Variants in KCNT1 observed in about 807,000 individuals in gnomAD.
The protein encoded by KCNT1 is potassium sodium-activated channel subfamily T member 1.
In KCNT1, 78 loss-of-function variants were observed where a neutral mutation model predicts 147.8. That is an observed-to-expected ratio of 0.53 (90% CI 0.44 to 0.64). The LOEUF is 0.64. Among genes scored for constraint, KCNT1 ranks in the 30% least tolerant of loss-of-function variants. KCNT1 has a pLI of 0.00. For missense variants in KCNT1, 1,419 were observed against 1,750.3 expected (o/e 0.81, Z 3.38); for synonymous variants, 867 against 748.8 (o/e 1.16, Z -2.58).
In KCNT1 at chr9:135,784,826, C is replaced by G; in HGVS notation, c.3093C>G (p.Ser1031=). 2 of 1,612,842 alleles carry G rather than the reference C, an allele frequency of 1.2e-6. No individual in the cohort carries two copies. The highest frequency in any genetic ancestry group is 1.7e-6 in the Non-Finnish European group (2 of 1,179,984). ...GCCGCCTCTTCCAGAAGCTCTGCTC[C>G]TCCAGCGCCGAGATCCCCATTGGCA... ...TYGRLFQKLC[S]SSAEIPIGIY... Residue 1031 remains serine, a synonymous_variant, in exon 27 of 31, where the codon TCC becomes TCG. Transcript: ENST00000371757.
At position 135,714,410 on chromosome 9, in the gene KCNT1, C is replaced by T. The variant is rs1835630902; in HGVS notation, c.111-167C>T. The T allele has an allele frequency of 5.1e-6, 1 of 194,742 alleles. No individual in the cohort carries two copies. Among genetic ancestry groups the T allele is most frequent in the Non-Finnish European group, 9.2e-6 (1 of 109,184 alleles). The allele number at this position is 194,742 out of a possible 1,614,324, so 12.1% of individuals were successfully genotyped here. A position where few individuals can be genotyped will look rare whatever the true frequency, so the allele number is the denominator to read the frequency against. On this transcript the variant is annotated intron_variant, in intron 1 of 30. Coordinates refer to ENST00000371757, the MANE Select transcript of KCNT1 (RefSeq NM_020822.3). The surrounding 1 kb of genome is among the most constrained non-coding windows in gnomAD (Gnocchi z 6.2). Reference sequence around the variant, plus strand: ...CCCGGCGCAGCCGGTCCCGCGCGCCCCCGCCCGCATGTGCCGCCAGGCCCG... The same window carrying T: ...CCCGGCGCAGCCGGTCCCGCGCGCCTCCGCCCGCATGTGCCGCCAGGCCCG...
intron 2 of KCNT1, among the ~76,000 whole-genome samples, chr9:135,743,607 C>T (rs1467819911): frequency 6.6e-6 from 1 of 152,216 alleles, no homozygotes; most frequent in East Asian, 1.9e-4. Flanking sequence ...GAGATAGAAG[C>T]CGTGCCCACC....
intron 2 of KCNT1, among the ~76,000 whole-genome samples, chr9:135,737,555 T>C (rs970943508): frequency 1.3e-5 from 2 of 151,858 alleles, no homozygotes; most frequent in East Asian, 1.9e-4. Flanking sequence ...GAGAGAGAGG[T>C]GCAGGCCAGG....
At position 135,785,295 on chromosome 9, in the gene KCNT1, C is replaced by G. The variant is rs754862662; in HGVS notation, c.3157-15C>G. 23 of 1,612,692 alleles carry G rather than the reference C, an allele frequency of 1.4e-5. No individual in the cohort carries two copies. In the East Asian group the frequency reaches 5.1e-4, roughly 36 times the overall value. ...TGCGCCCACAGGTCCCAGACTGCGC[C>G]TGTTTCCTTTGCAGCCCCACGACCT... is the stretch of plus-strand genomic sequence containing the variant. On this transcript the variant is annotated splice_polypyrimidine_tract_variant and intron_variant, in intron 27 of 30. Coordinates refer to ENST00000371757, the MANE Select transcript of KCNT1 (RefSeq NM_020822.3).
chr9:135,713,895 G>A (rs1334563669), intron 1 of KCNT1, among the ~76,000 whole-genome samples: 1 of 152,298 alleles, frequency 6.6e-6, no homozygotes, highest in Middle Eastern at 3.4e-3. Context: ...CCTAACCTGC[G>A]CTGCCAGCTC....
At chr9:135,758,544 G>T (rs140790441) in intron 10 of KCNT1, 36 bp downstream of exon 10, 42 of 1,554,958 alleles carry the variant, frequency 2.7e-5, no homozygotes, top group Non-Finnish European at 3.6e-5. Context: ...ACCCCAGGAC[G>T]TTGGGAGGGC....
chr9:135,792,270 C>T lies in KCNT1; in HGVS notation c.*109C>T. 7.4e-7 allele frequency: 1 copy of T among 1,350,596 alleles called. No homozygotes were observed. Among genetic ancestry groups the T allele is most frequent in the Non-Finnish European group, 9.9e-7 (1 of 1,008,322 alleles). 83.7% of individuals were successfully genotyped at this position (1,350,596 alleles called of 1,614,324 possible). ...AGCGTGACCCTGGGGATGGCACACT[C>T]TACTCACCATGGCTCCTGGGACTCC... is the stretch of plus-strand genomic sequence containing the variant. On this transcript the variant is annotated 3_prime_UTR_variant, in exon 31 of 31. Transcript: ENST00000371757.
At chr9:135,776,487 G>A (rs911146584) in intron 20 of KCNT1, among the ~76,000 whole-genome samples, 6 of 151,846 alleles carry the variant, frequency 4.0e-5, no homozygotes, top group African/African-American at 1.2e-4. Context: ...GGCTAGTCTC[G>A]AACTCCTGGA....
At chr9:135,719,353 C>T (rs1462408475) in intron 2 of KCNT1, among the ~76,000 whole-genome samples, 1 of 152,200 alleles carries the variant, frequency 6.6e-6, no homozygotes, top group African/African-American at 2.4e-5. Context: ...GTCCCAGGCA[C>T]CTTGTGCAGA....
At position 135,718,081 on chromosome 9, in the gene KCNT1, G is replaced by A. The variant is rs117327065; in HGVS notation, c.254+3361G>A. ...GCTGACCTGGAGGAGGGGATCAGCCGCTTGGAGGACCCTCCTGGGTGCTTG... is the reference window on the plus strand; with the variant it reads ...GCTGACCTGGAGGAGGGGATCAGCCACTTGGAGGACCCTCCTGGGTGCTTG... On this transcript the variant is annotated intron_variant, in intron 2 of 30. Transcript: ENST00000371757. Among the ~76,000 whole-genome samples, 46 of 152,338 alleles carry A rather than the reference G, an allele frequency of 3.0e-4. No individual in the cohort carries two copies. In the East Asian group the frequency reaches 7.3e-3, roughly 24 times the overall value.
Position 135,775,368 on chromosome 9 carries a change from C to T in KCNT1, c.2302C>T (p.His768Tyr). ...CATCGGCAGCTCCCCAACCCTGTGC[C>T]ACCTCCTGCCTGTGAAAGCCCCCTT... ...PYIGSSPTLC[H>Y]LLPVKAPFCC... Residue 768 changes from histidine (H) to tyrosine (Y), a missense_variant, in exon 20 of 31, where the codon CAC becomes TAC. This residue lies in a region of KCNT1 where 247 missense variants were observed against 397.1 expected (regional missense o/e 0.62). Transcript: ENST00000371757. 2 of 1,611,202 alleles carry T rather than the reference C, an allele frequency of 1.2e-6. No homozygotes were observed. The highest frequency in any genetic ancestry group is 2.2e-5 in the East Asian group (1 of 44,826).
At chr9:135,765,353 ATCCTCTCCCCAGGACTG>A (rs1564362782) in intron 12 of KCNT1, among the ~76,000 whole-genome samples, 158 bp downstream of exon 12, 6 of 55,826 alleles carry the variant, frequency 1.1e-4, no homozygotes, top group African/African-American at 5.5e-4. Context: ...CAGAGACGCC[ATCCTCTCCCCAGGACTG>A]CCATCCTCTC....
intron 15 of KCNT1, among the ~76,000 whole-genome samples, chr9:135,769,245 G>A (rs533069057): frequency 6.9e-6 from 1 of 145,766 alleles, no homozygotes; most frequent in Non-Finnish European, 1.5e-5. Flanking sequence ...GTGTCGGTGT[G>A]TCTGGGGCAG....
intron 9 of KCNT1, 122 bp from the exon 10 acceptor site, chr9:135,758,292 C>T: frequency 1.4e-6 from 1 of 730,354 alleles, no homozygotes; most frequent in Non-Finnish European, 2.4e-6. Context: ...GCCCCGTGGG[C>T]CTCAGCCGAG....
intron 20 of KCNT1, among the ~76,000 whole-genome samples, chr9:135,775,871 C>G (rs946567815): frequency 2.0e-5 from 3 of 152,204 alleles, no homozygotes; most frequent in Non-Finnish European, 4.4e-5. Context: ...CCACCGGGAG[C>G]CTGTCCCGGC....
chr9:135,743,705 T>C (rs1830673771), intron 2 of KCNT1, among the ~76,000 whole-genome samples: 1 of 152,186 alleles, frequency 6.6e-6, no homozygotes, highest in African/African-American at 2.4e-5. Flanking sequence ...CAGCCGAGGC[T>C]ATAGTGTGTG....
At chr9:135,709,837 C>A (rs1184887050) in intron 1 of KCNT1, among the ~76,000 whole-genome samples, 3 of 152,186 alleles carry the variant, frequency 2.0e-5, no homozygotes, top group African/African-American at 7.2e-5. Flanking sequence ...TGTGCCACCA[C>A]AACCAGCTAA....
intron 9 of KCNT1, 54 bp from the exon 10 acceptor site, chr9:135,758,360 C>T (rs1831659362): frequency 5.2e-6 from 7 of 1,341,616 alleles, no homozygotes; most frequent in South Asian, 1.2e-5. Flanking sequence ...TATTCATTGG[C>T]TCCTGGCGGG....
chr9:135,780,345 T>C (rs567272659), intron 24 of KCNT1, among the ~76,000 whole-genome samples: 17 of 152,128 alleles, frequency 1.1e-4, no homozygotes, highest in Non-Finnish European at 2.2e-4. Context: ...GCTGCAGGAT[T>C]GTGACACCGT....
Sources: allele counts gnomAD v4.1 joint callset (sites outside exome capture counted in the v4.1 genomes callset), GRCh38; gene constraint gnomAD v4.1.1; regional missense constraint gnomAD v4.1.1; non-coding constraint Gnocchi (gnomAD v3.1); transcripts MANE v1.5; gene names NCBI Gene and HGNC (gene_info 2026-07-23, HGNC 2026-07-21).